KIAA1614: variants seen among roughly 807,000 people sequenced by gnomAD.
The protein encoded by KIAA1614 is uncharacterized protein KIAA1614.
A neutral mutation model predicts 88.7 loss-of-function variants in KIAA1614; 76 were observed. That is an observed-to-expected ratio of 0.86 (90% CI 0.71 to 1.04). The LOEUF (loss-of-function observed/expected upper bound fraction) is 1.04, where lower values mean the gene tolerates loss of function less well. Among genes scored for constraint, KIAA1614 ranks in the 50% least tolerant of loss-of-function variants. The pLI is 0.00. For missense variants in KIAA1614, 1,553 were observed against 1,582.5 expected, an observed-to-expected ratio of 0.98 and a Z score of 0.32; for synonymous variants, 714 against 675.5, an observed-to-expected ratio of 1.06 and a Z score of -0.88.
chr1:180,926,517 A>C (rs1209576540), intron 3 of KIAA1614, among the ~76,000 whole-genome samples: 1 of 149,552 alleles, frequency 6.7e-6, no homozygotes, highest in African/African-American at 2.5e-5. Flanking sequence ...AAGAGGAGGG[A>C]GCAGAAAGGA....
At chr1:180,923,609 G>A (rs1654000544) in intron 3 of KIAA1614, among the ~76,000 whole-genome samples, 1 of 152,192 alleles carries the variant, frequency 6.6e-6, no homozygotes, top group Non-Finnish European at 1.5e-5. Context: ...CTGAGCTCCT[G>A]GGGCAAGAAC....
At chr1:180,928,212 C>T in intron 3 of KIAA1614, 1 of 499,686 alleles carries the variant, frequency 2.0e-6, no homozygotes, top group Non-Finnish European at 3.4e-6. Context: ...AGCTCCCCAG[C>T]CCCCATCCAG....
chr1:180,941,750 C>T (rs1015039402), intron 7 of KIAA1614, among the ~76,000 whole-genome samples: 3 of 152,224 alleles, frequency 2.0e-5, no homozygotes, highest in Non-Finnish European at 2.9e-5. Context: ...GCCACCCCCT[C>T]GCCGAACATC....
At chr1:180,939,486 GCTTC>G (rs1279322025) in intron 6 of KIAA1614, among the ~76,000 whole-genome samples, 1 of 152,150 alleles carries the variant, frequency 6.6e-6, no homozygotes, top group Non-Finnish European at 1.5e-5. Flanking sequence ...GTCCTGGGCT[GCTTC>G]CTCTTCCTTC....
At chr1:180,917,720 G>A (rs976139714) in intron 2 of KIAA1614, 131 bp from the exon 3 acceptor site, 21 of 755,454 alleles carry the variant, frequency 2.8e-5, no homozygotes, top group Non-Finnish European at 4.6e-5. Flanking sequence ...CCAATTTTCA[G>A]GCAAAGTGTT....
chr1:180,917,453 A>G (rs555244597), intron 2 of KIAA1614, among the ~76,000 whole-genome samples: 10 of 129,704 alleles, frequency 7.7e-5, no homozygotes, highest in Admixed American at 4.1e-4. Flanking sequence ...CCCCTTAGTG[A>G]GGGCCCTCTG....
At chr1:180,920,508 G>A (rs531843093) in intron 3 of KIAA1614, among the ~76,000 whole-genome samples, 212 of 152,338 alleles carry the variant, frequency 1.4e-3, no homozygotes, top group Non-Finnish European at 2.4e-3. Flanking sequence ...TCACTCATGA[G>A]GTCATGAGCC....
chr1:180,944,539 G>A, intron 8 of KIAA1614, 23 bp downstream of exon 8: 1 of 1,610,166 alleles, frequency 6.2e-7, no homozygotes, highest in Non-Finnish European at 8.5e-7. Flanking sequence ...CACATGGTTT[G>A]GAGGATAAAC....
chr1:180,935,239 G>C lies in KIAA1614; in HGVS notation c.1330G>C (p.Gly444Arg). 6.5e-7 allele frequency: 1 copy of C among 1,532,170 alleles called. No homozygotes were observed. Among genetic ancestry groups the C allele is most frequent in the South Asian group, 1.3e-5 (1 of 79,934 alleles). 94.9% of individuals were successfully genotyped at this position (1,532,170 alleles called of 1,614,324 possible). A position where few individuals can be genotyped will look rare whatever the true frequency, so the allele number is the denominator to read the frequency against. The change falls in exon 5 of 9, where the codon GGC (glycine) becomes CGC (arginine). Residue 444 changes from glycine to arginine, a missense_variant. Coordinates refer to ENST00000367588, the MANE Select transcript of KIAA1614 (RefSeq NM_020950.2). The surrounding 1 kb of genome is among the most constrained non-coding windows in gnomAD (Gnocchi z 6.1). The part of the protein sequence containing the change: ...ESSGGHRPRR[G>R]PSPSHVRFED... Reference sequence around the variant, plus strand: ...CAGCGGTGGGCACAGGCCGAGGCGGGGCCCCTCGCCGTCGCACGTGCGCTT... The same window carrying C: ...CAGCGGTGGGCACAGGCCGAGGCGGCGCCCCTCGCCGTCGCACGTGCGCTT...
chr1:180,926,334 C>T (rs1389236728), intron 3 of KIAA1614, among the ~76,000 whole-genome samples: 1 of 152,156 alleles, frequency 6.6e-6, no homozygotes, highest in African/African-American at 2.4e-5. Flanking sequence ...ACCTTGGCTG[C>T]AGTCTGTGAA....
Position 180,945,545 on chromosome 1 carries a change from G to A in KIAA1614, c.3530G>A (p.Arg1177Lys). Residue 1177 changes from arginine (R) to lysine (K), a missense_variant, in exon 9 of 9, where the codon AGG becomes AAG. Arg to Lys is a conservative substitution (Grantham distance 26, BLOSUM62 2). Coordinates refer to ENST00000367588, the MANE Select transcript of KIAA1614 (RefSeq NM_020950.2). ...TGGGGCGGCCTTAGCAAACAAGGCA[G>A]GGCCTTCTGGCTGTGGTCAGAGGCT... Reference protein sequence around the residue: ...HGWGGLSKQGRAFWLWSEAFL... With the variant: ...HGWGGLSKQGKAFWLWSEAFL... 1.2e-6 allele frequency: 2 copies of A among 1,613,652 alleles called. No individual in the cohort carries two copies. The highest frequency in any genetic ancestry group is 1.7e-6 in the Non-Finnish European group (2 of 1,179,934).
chr1:180,943,235 C>T (rs1271583272), intron 7 of KIAA1614, among the ~76,000 whole-genome samples: 2 of 152,076 alleles, frequency 1.3e-5, no homozygotes, highest in Non-Finnish European at 2.9e-5. Flanking sequence ...CCATGTTGGC[C>T]AGGCTGGTCT....
At chr1:180,919,842 C>T (rs940880224) in intron 3 of KIAA1614, among the ~76,000 whole-genome samples, 18 of 152,220 alleles carry the variant, frequency 1.2e-4, no homozygotes, top group African/African-American at 1.9e-4. Context: ...ACCTGCCAGG[C>T]CCCCAGCATC....
chr1:180,919,759 C>T (rs1653913198), intron 3 of KIAA1614, among the ~76,000 whole-genome samples: 1 of 152,176 alleles, frequency 6.6e-6, no homozygotes, highest in Admixed American at 6.5e-5. Flanking sequence ...GAAGGAGGGG[C>T]TTTCCCTTAG....
In KIAA1614 at chr1:180,938,681, G is replaced by A. The variant is rs1383416001; in HGVS notation, c.2888G>A (p.Gly963Glu). 1.2e-6 allele frequency: 2 copies of A among 1,614,158 alleles called. No individual in the cohort carries two copies. The highest frequency in any genetic ancestry group is 2.2e-5 in the East Asian group (1 of 44,880). The change falls in exon 6 of 9, where the codon GGG (glycine) becomes GAG (glutamate). Residue 963 changes from glycine to glutamate, a missense_variant. Gly to Glu is a moderately conservative substitution (Grantham distance 98). Coordinates refer to ENST00000367588, the MANE Select transcript of KIAA1614 (RefSeq NM_020950.2). The stretch of plus-strand genomic sequence containing the variant: ...TCAGAGGGAAGCCTGCAGAGGACAG[G>A]GTCAGGATCTGGAGGACATGTGCTG... ...KESEGSLQRTGSGSGGHVLSR... is the reference protein window; with the variant it reads ...KESEGSLQRTESGSGGHVLSR...
chr1:180,936,164 C>A lies in KIAA1614; in HGVS notation c.2255C>A (p.Pro752His). ...PCRTAYATTA[P>H]MTPESSGPGG... ...AGGACAGCCTATGCCACCACCGCCCCCATGACGCCTGAATCATCGGGGCCA... is the reference window on the plus strand; with the variant it reads ...AGGACAGCCTATGCCACCACCGCCCACATGACGCCTGAATCATCGGGGCCA... The change falls in exon 5 of 9, where the codon CCC becomes CAC. Residue 752 changes from proline to histidine, a missense_variant. Transcript: ENST00000367588. 6.2e-7 allele frequency: 1 copy of A among 1,614,176 alleles called. No homozygotes were observed.
At chr1:180,940,950 C>A in intron 6 of KIAA1614, 95 bp from the exon 7 acceptor site, 1 of 1,100,718 alleles carries the variant, frequency 9.1e-7, no homozygotes, top group Non-Finnish European at 1.3e-6. Flanking sequence ...TTGGTGCTGG[C>A]CCATCTGCGG....
In KIAA1614 at chr1:180,936,538, TCCA is replaced by T. The variant is rs1420428767; in HGVS notation, c.2633_2635del (p.Thr878del). ...GGTCAGGCACCCACTGCTGGCCCTG[TCCA>T]CCAACAACTGCAACAACAGCGCACC... On this transcript the variant is annotated inframe_deletion, in exon 5 of 9. Transcript: ENST00000367588. The T allele has an allele frequency of 1.2e-6, 2 of 1,613,830 alleles. No homozygotes were observed. The highest frequency in any genetic ancestry group is 1.7e-6 in the Non-Finnish European group (2 of 1,179,988).
chr1:180,924,025 C>T (rs3845412), intron 3 of KIAA1614, among the ~76,000 whole-genome samples: 87,980 of 151,926 alleles, frequency 0.58, 25,592 homozygotes, highest in Middle Eastern at 0.63. Context: ...ATACTTAACA[C>T]GCTCCCAGTG....
Sources: allele counts gnomAD v4.1 joint callset (sites outside exome capture counted in the v4.1 genomes callset), GRCh38; gene constraint gnomAD v4.1.1; non-coding constraint Gnocchi (gnomAD v3.1); transcripts MANE v1.5; gene names NCBI Gene and HGNC (gene_info 2026-07-23, HGNC 2026-07-21).